The following EXTL3 variants were observed in gnomAD, a reference collection of about 807,000 sequenced individuals.
The protein encoded by EXTL3 is exostosin-like 3.
A neutral mutation model predicts 69.3 loss-of-function variants in EXTL3; 27 were observed. The observed-to-expected ratio is 0.39, with a 90% CI of 0.29 to 0.54. The LOEUF (loss-of-function observed/expected upper bound fraction) is 0.54, where lower values mean the gene tolerates loss of function less well. Among genes scored for constraint, EXTL3 ranks in the 20% least tolerant of loss-of-function variants. The probability of loss-of-function intolerance (pLI) is 0.69; values close to 1 mark genes in which losing one functional copy is unlikely to be tolerated. For synonymous variants in EXTL3, 511 were observed against 499.4 expected (o/e 1.02, Z -0.31); for missense variants, 1,003 against 1,231.8 (o/e 0.81, Z 2.78).
chr8:28,618,382 G>A (rs759072591), upstream of EXTL3, among the ~76,000 whole-genome samples: 4 of 152,090 alleles, frequency 2.6e-5, no homozygotes, highest in Non-Finnish European at 5.9e-5. Flanking sequence ...AATAGACTGA[G>A]GGAACTATGG....
At chr8:28,670,982 T>A (rs777278427) in intron 1 of EXTL3, among the ~76,000 whole-genome samples, 2 of 55,522 alleles carry the variant, frequency 3.6e-5, no homozygotes, top group South Asian at 5.4e-4. Context: ...TTTTTTTTTT[T>A]AATTAATTTA....
At chr8:28,615,742 A>ATT (rs34486550) in intron 2 of EXTL3, among the ~76,000 whole-genome samples, 54 of 147,348 alleles carry the variant, frequency 3.7e-4, no homozygotes, top group Admixed American at 2.0e-3. Flanking sequence ...TAACTTTTGT[A>ATT]TTTTTTTTTT....
chr8:28,733,400 A>G (rs962016023), intron 4 of EXTL3, among the ~76,000 whole-genome samples: 1 of 151,708 alleles, frequency 6.6e-6, no homozygotes, highest in South Asian at 2.1e-4. Context: ...GTATGTGTGT[A>G]TATATACACA....
At chr8:28,663,902 G>A (rs1378786118) in intron 1 of EXTL3, among the ~76,000 whole-genome samples, 2 of 152,184 alleles carry the variant, frequency 1.3e-5, no homozygotes, top group South Asian at 2.1e-4. Context: ...CATTGCTGGC[G>A]GCAGGCTAAA....
intron 1 of EXTL3, among the ~76,000 whole-genome samples, chr8:28,713,044 C>T (rs1016733460): frequency 1.3e-5 from 2 of 152,154 alleles, no homozygotes; most frequent in African/African-American, 4.8e-5. Context: ...CATTTCTACC[C>T]GCAAACATTC....
chr8:28,689,424 T>G (rs1800577594), intron 1 of EXTL3, among the ~76,000 whole-genome samples: 1 of 152,178 alleles, frequency 6.6e-6, no homozygotes, highest in Non-Finnish European at 1.5e-5. Context: ...GTCCCCATGT[T>G]TTTGGATTTT....
At chr8:28,728,841 A>G (rs1801469651) in intron 3 of EXTL3, among the ~76,000 whole-genome samples, 1 of 152,084 alleles carries the variant, frequency 6.6e-6, no homozygotes, top group African/African-American at 2.4e-5. Flanking sequence ...GCAGTGAGCT[A>G]TGATAGCACC....
chr8:28,634,358 G>A (rs751131478), intron 1 of EXTL3, among the ~76,000 whole-genome samples: 1 of 151,956 alleles, frequency 6.6e-6, no homozygotes, highest in Non-Finnish European at 1.5e-5. Flanking sequence ...CCTCCTGATC[G>A]CTCCCTACCC....
intron 1 of EXTL3, among the ~76,000 whole-genome samples, chr8:28,709,703 C>T (rs183497695): frequency 2.0e-5 from 3 of 152,252 alleles, no homozygotes; most frequent in South Asian, 2.1e-4. Context: ...GGAGAAAAGT[C>T]GAGTCTGTAG....
intron 5 of EXTL3, chr8:28,740,388 A>G (rs182931534): frequency 3.3e-5 from 5 of 152,268 alleles, no homozygotes; most frequent in Admixed American, 6.5e-5. Context: ...GGTTTAGGCA[A>G]TTCTCCTGCC....
chr8:28,629,701 GTTCCAATTCGGA>G (rs982466308), intron 1 of EXTL3, among the ~76,000 whole-genome samples: 1 of 152,126 alleles, frequency 6.6e-6, no homozygotes, highest in African/African-American at 2.4e-5. Flanking sequence ...GAGCTACAGG[GTTCCAATTCGGA>G]TGTGTGTCTA....
upstream of EXTL3, chr8:28,696,785 C>T (rs1224788952): frequency 2.0e-5 from 3 of 152,208 alleles, no homozygotes; most frequent in African/African-American, 4.8e-5. Context: ...GTCTCAAACT[C>T]CTGACCTCAA....
chr8:28,705,733 C>G (rs926692435), intron 1 of EXTL3, among the ~76,000 whole-genome samples: 12 of 152,194 alleles, frequency 7.9e-5, no homozygotes, highest in Admixed American at 2.0e-4. Flanking sequence ...AGTTTATATT[C>G]TAGGCACTTG....
chr8:28,751,148 C>G lies in EXTL3; in HGVS notation c.*282C>G, dbSNP rs560675376. 41 of 477,390 alleles carry G rather than the reference C, an allele frequency of 8.6e-5. No individual in the cohort carries two copies. Among genetic ancestry groups the G allele is most frequent in the Non-Finnish European group, 1.4e-4 (37 of 261,764 alleles). 29.6% of individuals were successfully genotyped at this position (477,390 alleles called of 1,614,324 possible). A position where few individuals can be genotyped will look rare whatever the true frequency, so the allele number is the denominator to read the frequency against. Reference sequence around the variant, plus strand: ...ACTCTGCAGAGTCACTCACACCGTTCGTACGCCCAGGACAGCTGGTTCGTG... The same window carrying G: ...ACTCTGCAGAGTCACTCACACCGTTGGTACGCCCAGGACAGCTGGTTCGTG... On this transcript the variant is annotated 3_prime_UTR_variant, in exon 7 of 7. Transcript: ENST00000220562.
At chr8:28,680,467 A>T (rs1563202858) in intron 1 of EXTL3, among the ~76,000 whole-genome samples, 1 of 152,142 alleles carries the variant, frequency 6.6e-6, no homozygotes, top group Non-Finnish European at 1.5e-5. Flanking sequence ...ACTGATAAAT[A>T]AAAGTTGTGT....
intron 1 of EXTL3, among the ~76,000 whole-genome samples, chr8:28,646,093 C>T (rs1806825950): frequency 6.6e-6 from 1 of 152,180 alleles, no homozygotes; most frequent in Non-Finnish European, 1.5e-5. Context: ...AACTCCTGGG[C>T]TCAAGCGATC....
chr8:28,750,567 A>T lies in EXTL3; in HGVS notation c.2551-90A>T. The T allele has an allele frequency of 9.2e-7, 1 of 1,090,308 alleles. No individual in the cohort carries two copies. Among genetic ancestry groups the T allele is most frequent in the Admixed American group, 1.8e-5 (1 of 56,802 alleles). The allele number at this position is 1,090,308 out of a possible 1,614,324, so 67.5% of individuals were successfully genotyped here. ...CCCTGAGGGGATCAGCGTCTTCACC[A>T]TGGACATGGGAGTGTGGGATCGGCT... is the stretch of plus-strand genomic sequence containing the variant. On this transcript the variant is annotated intron_variant, in intron 6 of 6. Coordinates refer to ENST00000220562, the MANE Select transcript of EXTL3 (RefSeq NM_001440.4). The surrounding 1 kb of genome is among the most constrained non-coding windows in gnomAD (Gnocchi z 5.2).
At chr8:28,650,347 T>G (rs991265555) in intron 1 of EXTL3, among the ~76,000 whole-genome samples, 1 of 151,806 alleles carries the variant, frequency 6.6e-6, no homozygotes. Context: ...AGCACCTTTA[T>G]TGTATTTACT....
chr8:28,724,080 C>A (rs990022676), intron 3 of EXTL3, among the ~76,000 whole-genome samples: 2 of 150,950 alleles, frequency 1.3e-5, no homozygotes, highest in Non-Finnish European at 2.9e-5. Flanking sequence ...AATTAAAATA[C>A]ATACAGAATA....
Sources: gnomAD v4.1 joint callset for allele counts (sites outside exome capture counted in the v4.1 genomes callset) on GRCh38, gnomAD v4.1.1 for gene constraint, Gnocchi (gnomAD v3.1) non-coding constraint, MANE v1.5 for transcripts, NCBI Gene and HGNC (gene_info 2026-07-23, HGNC 2026-07-21) for gene names.